UNC5D: variants seen among roughly 807,000 people sequenced by gnomAD.
UNC5D encodes unc-5 netrin receptor D.
A neutral mutation model predicts 105.4 loss-of-function variants in UNC5D; 39 were observed. That is an observed-to-expected ratio of 0.37 (90% CI 0.29 to 0.48). The LOEUF is 0.48. Ranked by LOEUF, UNC5D falls within the 20% of genes least tolerant of loss-of-function variation. The probability of loss-of-function intolerance (pLI) is 0.98; values close to 1 mark genes in which losing one functional copy is unlikely to be tolerated. For synonymous variants in UNC5D, 452 were observed against 450.4 expected, an observed-to-expected ratio of 1.00 and a Z score of -0.04; for missense variants, 991 against 1,202.4, an observed-to-expected ratio of 0.82 and a Z score of 2.60.
intron 1 of UNC5D, among the ~76,000 whole-genome samples, chr8:35,489,201 T>C (rs986603097): frequency 3.3e-5 from 5 of 151,938 alleles, no homozygotes; most frequent in Non-Finnish European, 7.4e-5. Flanking sequence ...AGAGATGGGG[T>C]TTCACTATTT....
chr8:35,530,961 T>C (rs1337743427), intron 1 of UNC5D, among the ~76,000 whole-genome samples: 6 of 148,426 alleles, frequency 4.0e-5, no homozygotes, highest in Admixed American at 1.3e-4. Flanking sequence ...GTCTTGCTAG[T>C]GGTCTATCAA....
chr8:35,267,108 C>T (rs1452467281), intron 1 of UNC5D, among the ~76,000 whole-genome samples: 2 of 148,524 alleles, frequency 1.3e-5, no homozygotes, highest in African/African-American at 5.0e-5. Flanking sequence ...TTTGATGAGC[C>T]GTTAAGGGAA....
At chr8:35,714,707 T>C (rs566214891) in intron 8 of UNC5D, among the ~76,000 whole-genome samples, 1 of 152,348 alleles carries the variant, frequency 6.6e-6, no homozygotes, top group South Asian at 2.1e-4. Context: ...AAGAATGGTA[T>C]AGTTGATGCA....
At chr8:35,721,382 C>CGG in intron 8 of UNC5D, 1 of 702,010 alleles carries the variant, frequency 1.4e-6, no homozygotes, top group South Asian at 1.5e-5. Context: ...GCACATCTTG[C>CGG]GGGGTGGGGA....
intron 1 of UNC5D, among the ~76,000 whole-genome samples, chr8:35,460,441 T>G (rs886203036): frequency 6.6e-6 from 1 of 152,156 alleles, no homozygotes; most frequent in Non-Finnish European, 1.5e-5. Flanking sequence ...AAGCCTGAAC[T>G]TGTTAACTGG....
intron 1 of UNC5D, among the ~76,000 whole-genome samples, chr8:35,413,390 A>T (rs1237197538): frequency 1.3e-5 from 2 of 150,992 alleles, no homozygotes; most frequent in Non-Finnish European, 2.9e-5. Flanking sequence ...GAAAAAAAAA[A>T]GTTATTCAGC....
At position 35,413,292 on chromosome 8, in the gene UNC5D, T is replaced by TGTGTGTTGTGTGTG. The variant is rs56157732; in HGVS notation, c.104-136000_104-135999insGTGTGTTGTGTGTG. 1.5e-3 allele frequency among the ~76,000 whole-genome samples: 192 copies of TGTGTGTTGTGTGTG among 128,036 alleles called. 2 individuals are homozygous for TGTGTGTTGTGTGTG. Among genetic ancestry groups the TGTGTGTTGTGTGTG allele is most frequent in the African/African-American group, 3.9e-3 (129 of 32,676 alleles). 84.0% of individuals were successfully genotyped at this position (128,036 alleles called of 152,430 possible). On this transcript the variant is annotated intron_variant, in intron 1 of 16. Transcript: ENST00000404895. Reference sequence around the variant, plus strand: ...GTGTGTGTGTGTGTGTGTGTGTGTGTTGTGTGTGTGTGTGTGTTTTCTCTC... The same window carrying TGTGTGTTGTGTGTG: ...GTGTGTGTGTGTGTGTGTGTGTGTGTGTGTGTTGTGTGTGTGTGTGTGTGTGTGTGTTTTCTCTC...
At chr8:35,377,188 A>G (rs773009860) in intron 1 of UNC5D, among the ~76,000 whole-genome samples, 25 of 152,242 alleles carry the variant, frequency 1.6e-4, no homozygotes, top group Non-Finnish European at 3.2e-4. Flanking sequence ...GCAGACCTCC[A>G]TTACAAAACT....
intron 4 of UNC5D, among the ~76,000 whole-genome samples, chr8:35,597,232 T>C (rs2130908509): frequency 6.6e-6 from 1 of 152,288 alleles, no homozygotes; most frequent in South Asian, 2.1e-4. Context: ...ACTTGAAAAT[T>C]AAAGTGAACA....
At chr8:35,635,885 G>C (rs1364065139) in intron 4 of UNC5D, among the ~76,000 whole-genome samples, 1 of 152,140 alleles carries the variant, frequency 6.6e-6, no homozygotes, top group Non-Finnish European at 1.5e-5. Context: ...TCCTCTCTCA[G>C]ACTCACTGAG....
chr8:35,637,040 T>C (rs1412053125), intron 4 of UNC5D, among the ~76,000 whole-genome samples: 1 of 152,120 alleles, frequency 6.6e-6, no homozygotes. Context: ...GTTTGCAAAA[T>C]AAAAAGCTGA....
intron 1 of UNC5D, among the ~76,000 whole-genome samples, chr8:35,285,705 C>A (rs1806544944): frequency 6.6e-6 from 1 of 151,996 alleles, no homozygotes; most frequent in Non-Finnish European, 1.5e-5. Flanking sequence ...TGGGTGAGCC[C>A]CAGTGAAGGG....
intron 1 of UNC5D, among the ~76,000 whole-genome samples, chr8:35,453,284 C>T (rs1270501356): frequency 2.0e-5 from 3 of 151,970 alleles, no homozygotes; most frequent in Admixed American, 2.0e-4. Flanking sequence ...CCAGTGAGAC[C>T]ATCTGTGCAC....
chr8:35,253,531 G>C (rs1222795068), intron 1 of UNC5D, among the ~76,000 whole-genome samples: 1 of 136,788 alleles, frequency 7.3e-6, no homozygotes, highest in Non-Finnish European at 1.5e-5. Context: ...CTGTCGCCCA[G>C]GCTGGAGTGC....
chr8:35,320,272 A>G (rs1433097659), intron 1 of UNC5D, among the ~76,000 whole-genome samples: 1 of 152,088 alleles, frequency 6.6e-6, no homozygotes, highest in Non-Finnish European at 1.5e-5. Context: ...TTTGGTTGAA[A>G]GAGTTAAGTT....
intron 6 of UNC5D, 63 bp downstream of exon 6, chr8:35,684,812 A>ACAAT (rs1361348057): frequency 6.7e-7 from 1 of 1,487,376 alleles, no homozygotes; most frequent in African/African-American, 1.4e-5. Flanking sequence ...CTGGTGTGAA[A>ACAAT]CAATCAATGT....
intron 1 of UNC5D, among the ~76,000 whole-genome samples, chr8:35,319,219 C>T (rs1279782441): frequency 6.6e-6 from 1 of 152,092 alleles, no homozygotes; most frequent in Admixed American, 6.6e-5. Context: ...ATATACCCTT[C>T]AGGCAAACTT....
Position 35,791,587 on chromosome 8 carries a change from G to A in UNC5D, c.*1024G>A, listed in dbSNP as rs910462788. Reference sequence around the variant, plus strand: ...AGATTCTTGAAATTGTCTAACATGTGGGTACTGTGTCATCACAAAATCTCT... The same window carrying A: ...AGATTCTTGAAATTGTCTAACATGTAGGTACTGTGTCATCACAAAATCTCT... On this transcript the variant is annotated 3_prime_UTR_variant, in exon 17 of 17. Coordinates refer to ENST00000404895, the MANE Select transcript of UNC5D (RefSeq NM_080872.4). 1.3e-5 allele frequency: 2 copies of A among 152,116 alleles called. No homozygotes were observed. Among genetic ancestry groups the A allele is most frequent in the African/African-American group, 4.8e-5 (2 of 41,424 alleles). The allele number at this position is 152,116 out of a possible 1,614,324, so 9.4% of individuals were successfully genotyped here.
At chr8:35,708,061 G>A (rs570316690) in intron 8 of UNC5D, among the ~76,000 whole-genome samples, 1 of 152,234 alleles carries the variant, frequency 6.6e-6, no homozygotes, top group South Asian at 2.1e-4. Flanking sequence ...GAGACTACAT[G>A]AATCATCACT....
Sources: allele counts gnomAD v4.1 joint callset (sites outside exome capture counted in the v4.1 genomes callset), GRCh38; gene constraint gnomAD v4.1.1; transcripts MANE v1.5; gene names NCBI Gene and HGNC (gene_info 2026-07-23, HGNC 2026-07-21).